Variants in GALNT7 observed in about 807,000 individuals in gnomAD.
GALNT7 encodes the protein polypeptide N-acetylgalactosaminyltransferase 7.
Under a neutral mutation model 82.1 loss-of-function variants are expected in GALNT7, and 60 were observed. That is an observed-to-expected ratio of 0.73 (90% CI 0.59 to 0.91). GALNT7 has a LOEUF of 0.91. Ranked by LOEUF, GALNT7 falls within the 40% of genes least tolerant of loss-of-function variation. The pLI, the probability that GALNT7 is intolerant of heterozygous loss-of-function variation, is 0.00. For synonymous variants in GALNT7, 243 were observed against 275.1 expected (o/e 0.88, Z 1.15); for missense variants, 660 against 804.2 (o/e 0.82, Z 2.17).
At chr4:173,212,910 A>G (rs1733328086) in intron 1 of GALNT7, among the ~76,000 whole-genome samples, 2 of 152,030 alleles carry the variant, frequency 1.3e-5, no homozygotes, top group South Asian at 4.1e-4. Context: ...TTTTAAAAAT[A>G]CCTTTTGTGG....
chr4:173,258,639 A>G (rs1025058147), intron 2 of GALNT7, among the ~76,000 whole-genome samples: 1 of 152,228 alleles, frequency 6.6e-6, no homozygotes, highest in Non-Finnish European at 1.5e-5. Flanking sequence ...GCTTATAACC[A>G]TACTGAGATA....
At chr4:173,198,226 A>ATTTTT (rs35936188) in intron 1 of GALNT7, among the ~76,000 whole-genome samples, 3 of 138,904 alleles carry the variant, frequency 2.2e-5, no homozygotes, top group Admixed American at 7.2e-5. Context: ...TGCCTGGCTA[A>ATTTTT]TTTTTTTTTT....
chr4:173,322,423 G>A lies in GALNT7; in HGVS notation c.*706G>A, dbSNP rs1022703411. The A allele has an allele frequency of 1.3e-5, 2 of 152,500 alleles. No individual in the cohort carries two copies. The highest frequency in any genetic ancestry group is 4.8e-5 in the African/African-American group (2 of 41,452). 9.4% of individuals were successfully genotyped at this position (152,500 alleles called of 1,614,324 possible). A position where few individuals can be genotyped will look rare whatever the true frequency, so the allele number is the denominator to read the frequency against. On this transcript the variant is annotated 3_prime_UTR_variant, in exon 12 of 12. Coordinates refer to ENST00000265000, the MANE Select transcript of GALNT7 (RefSeq NM_017423.3). ...ACTTTGTATGGCTTGAAAAAGAAAT[G>A]ACAATATGGAACATCCCAAGGCTGT... is the stretch of plus-strand genomic sequence containing the variant.
chr4:173,196,125 G>T (rs1212655220), intron 1 of GALNT7, among the ~76,000 whole-genome samples: 1 of 144,552 alleles, frequency 6.9e-6, no homozygotes, highest in Non-Finnish European at 1.5e-5. Flanking sequence ...TTTTAAGTTG[G>T]AATTTTTTTT....
chr4:173,245,823 A>G (rs2126734655), intron 1 of GALNT7, among the ~76,000 whole-genome samples: 1 of 152,288 alleles, frequency 6.6e-6, no homozygotes, highest in African/African-American at 2.4e-5. Flanking sequence ...TTAATTCCCA[A>G]GAGAATCTTC....
At chr4:173,234,949 C>G (rs1734164539) in intron 1 of GALNT7, among the ~76,000 whole-genome samples, 1 of 152,206 alleles carries the variant, frequency 6.6e-6, no homozygotes. Context: ...GAAGGAGATG[C>G]TGGTACCATG....
intron 11 of GALNT7, among the ~76,000 whole-genome samples, chr4:173,318,987 GACAA>G (rs1465190049): frequency 6.6e-6 from 1 of 151,978 alleles, no homozygotes; most frequent in Non-Finnish European, 1.5e-5. Context: ...TGGAGATAGA[GACAA>G]ACAAATAAAA....
chr4:173,205,996 C>T (rs1329084241), intron 1 of GALNT7, among the ~76,000 whole-genome samples: 1 of 151,850 alleles, frequency 6.6e-6, no homozygotes, highest in East Asian at 1.9e-4. Context: ...GACTCGGAGG[C>T]TCAGTCCACA....
chr4:173,288,261 C>T (rs1434147427), intron 2 of GALNT7, among the ~76,000 whole-genome samples: 1 of 111,864 alleles, frequency 8.9e-6, no homozygotes, highest in African/African-American at 4.0e-5. Context: ...CCAGCCTGGG[C>T]GACAGAGCGA....
intron 1 of GALNT7, among the ~76,000 whole-genome samples, chr4:173,173,136 A>T (rs1731929144): frequency 6.6e-6 from 1 of 152,124 alleles, no homozygotes; most frequent in African/African-American, 2.4e-5. Context: ...TGGATATGGT[A>T]GTGAAGGTGT....
chr4:173,206,956 G>A (rs950831941), intron 1 of GALNT7, among the ~76,000 whole-genome samples: 2 of 152,224 alleles, frequency 1.3e-5, no homozygotes, highest in Non-Finnish European at 2.9e-5. Context: ...TTGTGCAAAA[G>A]GGCACTTTGC....
At chr4:173,257,752 C>T (rs1735097786) in intron 2 of GALNT7, among the ~76,000 whole-genome samples, 2 of 152,106 alleles carry the variant, frequency 1.3e-5, no homozygotes, top group Non-Finnish European at 2.9e-5. Context: ...GGAAAATATT[C>T]GTGCATTCTC....
At chr4:173,318,342 T>C in intron 10 of GALNT7, 89 bp from the exon 11 acceptor site, 5 of 944,344 alleles carry the variant, frequency 5.3e-6, no homozygotes, top group Non-Finnish European at 8.1e-6. Context: ...TCATTCAATT[T>C]AATTATAGGA....
Position 173,303,375 on chromosome 4 carries a change from A to G in GALNT7, c.1267-621A>G, listed in dbSNP as rs998078552. 2.0e-5 allele frequency among the ~76,000 whole-genome samples: 3 copies of G among 152,194 alleles called. No individual in the cohort carries two copies. In the South Asian group the frequency reaches 6.2e-4, roughly 31 times the overall value. On this transcript the variant is annotated intron_variant, in intron 7 of 11. Coordinates refer to ENST00000265000, the MANE Select transcript of GALNT7 (RefSeq NM_017423.3). ...AACATTCAGAGAACAGCAAGGAGCA[A>G]ACTTTGGCAGAATCAAGCAACATGA... is the stretch of plus-strand genomic sequence containing the variant.
At chr4:173,224,076 A>G (rs1476872089) in intron 1 of GALNT7, among the ~76,000 whole-genome samples, 1 of 152,090 alleles carries the variant, frequency 6.6e-6, no homozygotes, top group Non-Finnish European at 1.5e-5. Context: ...TGTTGCTAAC[A>G]TTTCACCTAA....
intron 2 of GALNT7, among the ~76,000 whole-genome samples, chr4:173,275,743 G>A (rs895513428): frequency 1.3e-5 from 2 of 152,182 alleles, no homozygotes; most frequent in Non-Finnish European, 2.9e-5. Flanking sequence ...TCAACTCTCT[G>A]CCTCAGAAAA....
At chr4:173,174,934 G>A (rs903381364) in intron 1 of GALNT7, among the ~76,000 whole-genome samples, 2 of 152,182 alleles carry the variant, frequency 1.3e-5, no homozygotes, top group African/African-American at 2.4e-5. Context: ...TACGATTTGG[G>A]TTCCTGTATA....
intron 1 of GALNT7, among the ~76,000 whole-genome samples, chr4:173,219,597 A>G (rs545213910): frequency 1.4e-4 from 21 of 152,270 alleles, no homozygotes; most frequent in Admixed American, 1.3e-3. Flanking sequence ...GTACTAGTTT[A>G]CATTCCCACC....
chr4:173,182,817 T>TACACACACACACACAC lies in GALNT7; in HGVS notation c.126+13868_126+13883dup, dbSNP rs66792322. On this transcript the variant is annotated intron_variant, in intron 1 of 11. Transcript: ENST00000265000. ...GATGAGGCTAGTAGGTTACTCATAATACACACACACACACACACACACACA... is the reference window on the plus strand; with the variant it reads ...GATGAGGCTAGTAGGTTACTCATAATACACACACACACACACACACACACACACACACACACACACA... Among the ~76,000 whole-genome samples, 433 of 134,880 alleles carry TACACACACACACACAC rather than the reference T, an allele frequency of 3.2e-3. 2 individuals are homozygous for TACACACACACACACAC. The highest frequency in any genetic ancestry group is 0.012 in the African/African-American group (416 of 34,514). The allele number at this position is 134,880 out of a possible 152,430, so 88.5% of individuals were successfully genotyped here. A position where few individuals can be genotyped will look rare whatever the true frequency, so the allele number is the denominator to read the frequency against.
Sources: gnomAD v4.1 joint callset for allele counts (sites outside exome capture counted in the v4.1 genomes callset) on GRCh38, gnomAD v4.1.1 for gene constraint, MANE v1.5 for transcripts, NCBI Gene and HGNC (gene_info 2026-07-23, HGNC 2026-07-21) for gene names.